Variants in CSMD1 observed in about 807,000 individuals in gnomAD.
CSMD1 encodes the protein CUB and sushi domain-containing protein 1.
A neutral mutation model predicts 417.5 loss-of-function variants in CSMD1; 213 were observed. That is an observed-to-expected ratio of 0.51 (90% CI 0.46 to 0.57). The LOEUF is 0.57. CSMD1 is among the 20% of genes least tolerant of loss of function. The pLI is 0.00. For synonymous variants in CSMD1, 2,862 were observed against 1,736.8 expected (o/e 1.65, Z -16.11); for missense variants, 6,923 against 4,529.7 (o/e 1.53, Z -15.17).
chr8:4,192,512 A>G (rs2131220072), intron 3 of CSMD1, among the ~76,000 whole-genome samples: 1 of 151,476 alleles, frequency 6.6e-6, no homozygotes, highest in East Asian at 1.9e-4. Context: ...CGTTTAAGAC[A>G]ATACCCCCTG....
chr8:4,064,961 C>G (rs1458386202), intron 3 of CSMD1, among the ~76,000 whole-genome samples: 1 of 151,776 alleles, frequency 6.6e-6, no homozygotes, highest in Non-Finnish European at 1.5e-5. Flanking sequence ...AGATTTAACG[C>G]TGTGCATTCA....
intron 1 of CSMD1, among the ~76,000 whole-genome samples, chr8:4,737,730 G>T (rs1037254550): frequency 2.0e-5 from 3 of 152,134 alleles, no homozygotes; most frequent in African/African-American, 7.2e-5. Flanking sequence ...AATAGGTAAT[G>T]GCTTAAATCA....
At chr8:3,859,372 C>A (rs1297833942) in intron 5 of CSMD1, among the ~76,000 whole-genome samples, 1 of 152,130 alleles carries the variant, frequency 6.6e-6, no homozygotes, top group Non-Finnish European at 1.5e-5. Flanking sequence ...AGAAATACTT[C>A]TTTTTATAAA....
chr8:4,940,288 G>C (rs374132498), intron 1 of CSMD1, among the ~76,000 whole-genome samples: 10 of 152,206 alleles, frequency 6.6e-5, no homozygotes, highest in Non-Finnish European at 1.3e-4. Context: ...GGAAAATGCA[G>C]AGTAAAATGA....
chr8:4,200,831 C>T (rs921820650), intron 3 of CSMD1, among the ~76,000 whole-genome samples: 2 of 152,162 alleles, frequency 1.3e-5, no homozygotes, highest in African/African-American at 4.8e-5. Flanking sequence ...GCACTCTCGC[C>T]TGAGTGACAA....
intron 23 of CSMD1, among the ~76,000 whole-genome samples, chr8:3,310,314 C>G (rs183082279): frequency 7.2e-5 from 11 of 152,038 alleles, no homozygotes; most frequent in Admixed American, 2.6e-4. Flanking sequence ...AAGCAGAAGT[C>G]TTTACTGTTG....
chr8:3,531,772 G>C (rs1170687828), intron 10 of CSMD1, among the ~76,000 whole-genome samples: 1 of 152,158 alleles, frequency 6.6e-6, no homozygotes, highest in Non-Finnish European at 1.5e-5. Flanking sequence ...TGGAAGATCG[G>C]GCTGCAAACA....
At chr8:3,545,068 C>A (rs1218745178) in intron 10 of CSMD1, among the ~76,000 whole-genome samples, 2 of 152,100 alleles carry the variant, frequency 1.3e-5, no homozygotes, top group Non-Finnish European at 2.9e-5. Flanking sequence ...TGAATACAAA[C>A]TTTTCCATGA....
chr8:3,975,585 G>T (rs2627447), intron 5 of CSMD1, among the ~76,000 whole-genome samples: 88,791 of 151,920 alleles, frequency 0.58, 26,642 homozygotes, highest in East Asian at 0.74. Context: ...AGAGAAGCTG[G>T]GCACCTCGTG....
intron 3 of CSMD1, among the ~76,000 whole-genome samples, chr8:4,100,655 T>C (rs907578098): frequency 2.6e-5 from 4 of 152,186 alleles, no homozygotes; most frequent in South Asian, 4.2e-4. Flanking sequence ...ATTTCGATGA[T>C]GGAAAAAGGG....
chr8:3,698,929 G>A (rs1230689564), intron 7 of CSMD1, among the ~76,000 whole-genome samples: 2 of 152,190 alleles, frequency 1.3e-5, no homozygotes, highest in South Asian at 2.1e-4. Context: ...CTTCCATTCT[G>A]TGGTATCCTG....
chr8:3,972,065 C>A (rs1432761841), intron 5 of CSMD1, among the ~76,000 whole-genome samples: 1 of 151,982 alleles, frequency 6.6e-6, no homozygotes, highest in African/African-American at 2.4e-5. Context: ...GAGACAGGGG[C>A]TCTGTATGTT....
At chr8:4,338,302 A>G (rs916121034) in intron 3 of CSMD1, among the ~76,000 whole-genome samples, 1 of 152,180 alleles carries the variant, frequency 6.6e-6, no homozygotes, top group African/African-American at 2.4e-5. Context: ...AGTTGAATAT[A>G]GTTAGTTACA....
rs540656564 is a variant in CSMD1 at position 4,469,588 on chromosome 8, G to C, written c.303-49523C>G. ...TTCAGTAGCTTGTGCAAACACCTTG[G>C]AGTGGTCTTTGACTCTGTGTATTCC... On this transcript the variant is annotated intron_variant, in intron 2 of 69. Transcript: ENST00000635120. Among the ~76,000 whole-genome samples, 26 of 152,220 alleles carry C rather than the reference G, an allele frequency of 1.7e-4. 1 individual carries two copies. The highest frequency in any genetic ancestry group is 1.4e-3 in the East Asian group (7 of 5,160).
intron 3 of CSMD1, among the ~76,000 whole-genome samples, chr8:4,416,012 A>C (rs764484154): frequency 5.9e-5 from 9 of 152,176 alleles, no homozygotes; most frequent in Non-Finnish European, 1.0e-4. Context: ...ACGTGATAAT[A>C]ATAGATCACC....
At position 3,359,320 on chromosome 8, in the gene CSMD1, C is replaced by T. The variant is rs780422646; in HGVS notation, c.3136G>A (p.Asp1046Asn). The T allele has an allele frequency of 4.3e-6, 7 of 1,613,264 alleles. No homozygotes were observed. Among genetic ancestry groups the T allele is most frequent in the African/African-American group, 2.7e-5 (2 of 74,760 alleles). Residue 1046 changes from aspartate to asparagine, a missense_variant, in exon 21 of 70, where the codon GAT becomes AAT. Physicochemically the swap from Asp to Asn is conservative, Grantham distance 23 (BLOSUM62 1). Transcript: ENST00000635120. ...TFSEYDLEPCDDPGVPAFSRR... is the reference protein window; with the variant it reads ...TFSEYDLEPCNDPGVPAFSRR... ...CTGAAGGCAGGGACTCCAGGATCAT[C>T]ACATGGCTCCAGGTCATATTCTGAG... is the stretch of plus-strand genomic sequence containing the variant.
chr8:4,615,453 T>A (rs1043590962), intron 2 of CSMD1, among the ~76,000 whole-genome samples: 2 of 152,182 alleles, frequency 1.3e-5, no homozygotes, highest in African/African-American at 2.4e-5. Context: ...TGCAGACCAA[T>A]TTCCTCATTG....
chr8:3,766,086 G>A (rs1165450245), intron 5 of CSMD1, among the ~76,000 whole-genome samples: 2 of 152,164 alleles, frequency 1.3e-5, no homozygotes, highest in East Asian at 3.9e-4. Flanking sequence ...CTGGGAAATG[G>A]CTCAGACAGA....
intron 2 of CSMD1, among the ~76,000 whole-genome samples, chr8:4,619,348 T>C (rs2616972): frequency 0.53 from 80,812 of 151,994 alleles, 21,998 homozygotes; most frequent in African/African-American, 0.66. Flanking sequence ...AAAGGGAATG[T>C]CAATATTTAG....
Sources: allele counts gnomAD v4.1 joint callset (sites outside exome capture counted in the v4.1 genomes callset), GRCh38; gene constraint gnomAD v4.1.1; transcripts MANE v1.5; gene names NCBI Gene and HGNC (gene_info 2026-07-23, HGNC 2026-07-21).